DNAH12: variants seen among roughly 807,000 people sequenced by gnomAD.
DNAH12 encodes dynein axonemal heavy chain 12.
In DNAH12, 285 loss-of-function variants were observed where a neutral mutation model predicts 371.5. The observed-to-expected ratio is 0.77, with a 90% CI of 0.70 to 0.85. The LOEUF (loss-of-function observed/expected upper bound fraction) is 0.85. DNAH12 is among the 40% of genes least tolerant of loss of function. The pLI is 0.00. For missense variants in DNAH12, 3,611 were observed against 3,689.4 expected (o/e 0.98, Z 0.55); for synonymous variants, 1,200 against 1,213.0 (o/e 0.99, Z 0.22).
intron 50 of DNAH12, among the ~76,000 whole-genome samples, 176 bp from the exon 51 acceptor site, chr3:57,380,543 G>A (rs1226574325): frequency 1.2e-4 from 19 of 152,126 alleles, no homozygotes; most frequent in South Asian, 2.1e-4. Context: ...GTGCAATATC[G>A]GCTCACTGCC....
chr3:57,514,412 A>T (rs1020861418), intron 4 of DNAH12, among the ~76,000 whole-genome samples: 4 of 152,018 alleles, frequency 2.6e-5, no homozygotes, highest in Admixed American at 1.3e-4. Flanking sequence ...AAAAAAGAAA[A>T]ATAAATAAAC....
intron 66 of DNAH12, 50 bp downstream of exon 66, chr3:57,314,444 G>A (rs1248290948): frequency 1.3e-6 from 2 of 1,547,672 alleles, no homozygotes; most frequent in African/African-American, 2.7e-5. Context: ...CTTGCCTAGG[G>A]CCTGATAAAT....
intron 4 of DNAH12, among the ~76,000 whole-genome samples, chr3:57,519,461 T>A (rs2068328132): frequency 6.6e-6 from 1 of 152,232 alleles, no homozygotes; most frequent in African/African-American, 2.4e-5. Context: ...TCATCTTTAA[T>A]AAATTATCTT....
chr3:57,397,490 T>A (rs2063769206), intron 43 of DNAH12, among the ~76,000 whole-genome samples: 1 of 152,172 alleles, frequency 6.6e-6, no homozygotes, highest in South Asian at 2.1e-4. Context: ...CTGTTTCACC[T>A]GCCTTCAGGT....
intron 29 of DNAH12, among the ~76,000 whole-genome samples, chr3:57,443,065 T>G (rs2065358582): frequency 6.6e-6 from 1 of 152,186 alleles, no homozygotes; most frequent in Non-Finnish European, 1.5e-5. Flanking sequence ...TTTCATTAAT[T>G]GCGTTAAATT....
intron 65 of DNAH12, among the ~76,000 whole-genome samples, chr3:57,319,464 A>T (rs2061757311): frequency 6.6e-6 from 1 of 152,042 alleles, no homozygotes; most frequent in Admixed American, 6.6e-5. Flanking sequence ...TTACAGGAAA[A>T]ATTTTCAGTT....
intron 55 of DNAH12, among the ~76,000 whole-genome samples, chr3:57,371,962 A>AAAAAAAAAAAAAAAAAAC (rs2063183357): frequency 6.8e-6 from 1 of 146,452 alleles, no homozygotes; most frequent in Non-Finnish European, 1.5e-5. Context: ...AAAAAAAAAA[A>AAAAAAAAAAAAAAAAAAC]AAATTCTTTC....
At chr3:57,477,248 G>A (rs900743310) in intron 13 of DNAH12, among the ~76,000 whole-genome samples, 1 of 152,204 alleles carries the variant, frequency 6.6e-6, no homozygotes, top group African/African-American at 2.4e-5. Flanking sequence ...TTTCCAACGG[G>A]TTTAGCAAAC....
chr3:57,356,715 T>C (rs1410025073), intron 59 of DNAH12, among the ~76,000 whole-genome samples: 1 of 151,980 alleles, frequency 6.6e-6, no homozygotes, highest in Non-Finnish European at 1.5e-5. Context: ...TCATGTCTTT[T>C]TTTCTTTCAC....
intron 2 of DNAH12, among the ~76,000 whole-genome samples, chr3:57,537,113 G>C (rs957089863): frequency 6.6e-6 from 1 of 152,080 alleles, no homozygotes; most frequent in African/African-American, 2.4e-5. Flanking sequence ...AGGATTGCTT[G>C]AGCCAGGAAG....
At chr3:57,296,241 A>G in intron 72 of DNAH12, 103 bp downstream of exon 72, 5 of 755,076 alleles carry the variant, frequency 6.6e-6, no homozygotes, top group Non-Finnish European at 1.0e-5. Flanking sequence ...TGATGTTATT[A>G]TTACTTGCCT....
At chr3:57,326,279 GA>G (rs2061943989) in intron 62 of DNAH12, among the ~76,000 whole-genome samples, 2 of 151,964 alleles carry the variant, frequency 1.3e-5, no homozygotes, top group South Asian at 4.2e-4. Context: ...AAGTTGAAAT[GA>G]AGGAAAAAAT....
intron 25 of DNAH12, 108 bp downstream of exon 25, chr3:57,452,735 G>T (rs1174997738): frequency 2.9e-6 from 3 of 1,051,556 alleles, no homozygotes; most frequent in African/African-American, 3.3e-5. Flanking sequence ...TTCAGGATTA[G>T]AAAGGGATAA....
chr3:57,399,687 C>T (rs969530823), intron 43 of DNAH12, among the ~76,000 whole-genome samples: 27 of 152,290 alleles, frequency 1.8e-4, no homozygotes, highest in Admixed American at 8.5e-4. Flanking sequence ...TTTTCCTCTG[C>T]TTCTGCCACC....
chr3:57,337,214 T>C (rs1284651376), intron 60 of DNAH12, among the ~76,000 whole-genome samples: 1 of 152,158 alleles, frequency 6.6e-6, no homozygotes, highest in Admixed American at 6.6e-5. Context: ...ATTATAAAAA[T>C]ACATGCACCT....
chr3:57,433,777 C>A lies in DNAH12; in HGVS notation c.4707G>T (p.Val1569=). Reference sequence around the variant, plus strand: ...TCATTAAAGTTAGCGTATCCGCCAGCACATGCAGAACTTTTGTCTTAGCAG... The same window carrying A: ...TCATTAAAGTTAGCGTATCCGCCAGAACATGCAGAACTTTTGTCTTAGCAG... ...PFAAKTKVLH[V]LADTLTLMNE... Residue 1569 remains valine, a synonymous_variant, in exon 31 of 74, where the codon GTG becomes GTT. Coordinates refer to ENST00000495027, the MANE Select transcript of DNAH12 (RefSeq NM_001366028.2). The A allele has an allele frequency of 6.5e-7, 1 of 1,550,136 alleles. No homozygotes were observed. Among genetic ancestry groups the A allele is most frequent in the Non-Finnish European group, 8.7e-7 (1 of 1,146,580 alleles).
At chr3:57,317,391 C>G (rs928369873) in intron 65 of DNAH12, among the ~76,000 whole-genome samples, 11 of 152,106 alleles carry the variant, frequency 7.2e-5, no homozygotes, top group African/African-American at 2.7e-4. Flanking sequence ...TTTCCCCCTC[C>G]CACAGCCCCA....
At chr3:57,299,955 G>A (rs1174212993) in intron 70 of DNAH12, among the ~76,000 whole-genome samples, 5 of 152,174 alleles carry the variant, frequency 3.3e-5, no homozygotes, top group African/African-American at 1.2e-4. Flanking sequence ...CCACGTGGGG[G>A]AGAACAATTG....
At chr3:57,513,705 T>C (rs1203394534) in intron 4 of DNAH12, among the ~76,000 whole-genome samples, 1 of 152,178 alleles carries the variant, frequency 6.6e-6, no homozygotes, top group African/African-American at 2.4e-5. Flanking sequence ...TTTAAACGTA[T>C]AATCTTATTC....
Sources: allele counts gnomAD v4.1 joint callset (sites outside exome capture counted in the v4.1 genomes callset), GRCh38; gene constraint gnomAD v4.1.1; transcripts MANE v1.5; gene names NCBI Gene and HGNC (gene_info 2026-07-23, HGNC 2026-07-21).